The following CAPN2 variants were observed in gnomAD, a reference collection of about 807,000 sequenced individuals.
CAPN2 encodes calpain-2 catalytic subunit.
CAPN2 carries 92 observed loss-of-function variants against 102.3 expected under a neutral mutation model. The ratio of observed to expected loss-of-function variants is 0.90; its 90% confidence interval spans 0.76 to 1.07. The LOEUF is 1.07. CAPN2 is among the 50% of genes least tolerant of loss of function. The probability of loss-of-function intolerance (pLI) is 0.00; values close to 1 mark genes in which losing one functional copy is unlikely to be tolerated. For synonymous variants in CAPN2, 340 were observed against 355.4 expected, an observed-to-expected ratio of 0.96 and a Z score of 0.49; for missense variants, 800 against 909.4, an observed-to-expected ratio of 0.88 and a Z score of 1.55.
chr1:223,727,198 G>T lies in CAPN2; in HGVS notation c.307+9367G>T, dbSNP rs144282666. On this transcript the variant is annotated intron_variant, in intron 2 of 20. Transcript: ENST00000295006. This position sits in a 1 kb window ranked among gnomAD's most constrained non-coding sequence, Gnocchi z 4.1. ...TCTTCAGTAGCTTGGTCTGTTTATCGTGTATCTAGCTGTCAGCATGCAAAA... is the reference window on the plus strand; with the variant it reads ...TCTTCAGTAGCTTGGTCTGTTTATCTTGTATCTAGCTGTCAGCATGCAAAA... Among the ~76,000 whole-genome samples the T allele has an allele frequency of 6.6e-6, 1 of 152,208 alleles. No individual in the cohort carries two copies. The highest frequency in any genetic ancestry group is 6.5e-5 in the Admixed American group (1 of 15,286).
chr1:223,749,295 G>C (rs1290602618), intron 6 of CAPN2, 173 bp downstream of exon 6: 1 of 613,492 alleles, frequency 1.6e-6, no homozygotes, highest in Non-Finnish European at 2.9e-6. Context: ...TTCGCAGCTC[G>C]GGCGCCGGGT....
rs533034011 is a variant in CAPN2, at chr1:223,717,957, C to T, written c.307+126C>T. On this transcript the variant is annotated intron_variant, in intron 2 of 20. Transcript: ENST00000295006. ...TTGGCAATTTCTATTTGCAGAGAAG[C>T]TCCATGGAATTTCTTGGCCCTAGCG... 5 of 729,376 alleles carry T rather than the reference C, an allele frequency of 6.9e-6. No homozygotes were observed. In the South Asian group the frequency reaches 8.1e-5, roughly 12 times the overall value. 45.2% of individuals were successfully genotyped at this position (729,376 alleles called of 1,614,324 possible).
intron 2 of CAPN2, among the ~76,000 whole-genome samples, chr1:223,729,905 G>T (rs1660291011): frequency 6.6e-6 from 1 of 151,102 alleles, no homozygotes; most frequent in Admixed American, 6.6e-5. Context: ...CAGAGGCTGA[G>T]GCAGGAGAAT....
At chr1:223,764,303 G>T in intron 15 of CAPN2, 96 bp downstream of exon 15, 1 of 1,034,798 alleles carries the variant, frequency 9.7e-7, no homozygotes, top group South Asian at 1.3e-5. Context: ...TGGCTGCTGT[G>T]ACTAAACCAC....
chr1:223,752,991 C>T (rs774182137), intron 9 of CAPN2, 35 bp downstream of exon 9: 21 of 1,605,292 alleles, frequency 1.3e-5, no homozygotes, highest in Admixed American at 1.7e-5. Flanking sequence ...TGTTGCAATG[C>T]GGGGCCACCA....
chr1:223,751,030 C>A, intron 7 of CAPN2, 55 bp downstream of exon 7: 1 of 1,380,332 alleles, frequency 7.2e-7, no homozygotes, highest in Non-Finnish European at 1.0e-6. Flanking sequence ...TGCTGGGAGG[C>A]TCTGGGAAGA....
intron 2 of CAPN2, among the ~76,000 whole-genome samples, chr1:223,740,420 C>T (rs1571798264): frequency 6.6e-6 from 1 of 152,338 alleles, no homozygotes; most frequent in Non-Finnish European, 1.5e-5. Flanking sequence ...GTCCACCCTA[C>T]TGCTGTGTCC....
At chr1:223,705,198 G>A (rs971807878) in intron 1 of CAPN2, among the ~76,000 whole-genome samples, 5 of 152,294 alleles carry the variant, frequency 3.3e-5, no homozygotes, top group East Asian at 1.9e-4. Flanking sequence ...GAAATGGAAC[G>A]GGGCAAAGTA....
In CAPN2 at chr1:223,755,711, A is replaced by G. The variant is rs1661018531; in HGVS notation, c.1305+62A>G. 4.8e-6 allele frequency: 7 copies of G among 1,448,974 alleles called. No homozygotes were observed. Among genetic ancestry groups the G allele is most frequent in the Middle Eastern group, 2.6e-4 (1 of 3,852 alleles). 89.8% of individuals were successfully genotyped at this position (1,448,974 alleles called of 1,614,324 possible). On this transcript the variant is annotated intron_variant, in intron 10 of 20. Transcript: ENST00000295006. This position sits in a 1 kb window ranked among gnomAD's most constrained non-coding sequence, Gnocchi z 4.1. ...TGTGTTCATCTCAGCCCCTGCATGG[A>G]AAGCTGACCCCAGAGGCAGAACTGG...
intron 2 of CAPN2, among the ~76,000 whole-genome samples, chr1:223,722,888 C>T (rs773578920): frequency 1.3e-5 from 2 of 152,194 alleles, no homozygotes; most frequent in Non-Finnish European, 2.9e-5. Context: ...CAGGACCCCA[C>T]GTTTCATTTA....
rs542798367 is a variant in CAPN2, at chr1:223,731,472, G to A, written c.308-12628G>A. Among the ~76,000 whole-genome samples, 64 of 151,714 alleles carry A rather than the reference G, an allele frequency of 4.2e-4. No homozygotes were observed. The highest frequency in any genetic ancestry group is 5.9e-4 in the Non-Finnish European group (40 of 67,914). On this transcript the variant is annotated intron_variant, in intron 2 of 20. Transcript: ENST00000295006. The surrounding 1 kb of genome is among the most constrained non-coding windows in gnomAD (Gnocchi z 4.2). ...CAGCTCCCCGCTCTAAGCCTTCCTC[G>A]CCCACCCCAGCCCTCCTACAGTCCC...
chr1:223,749,290 A>G (rs1223264416), intron 6 of CAPN2, 168 bp downstream of exon 6: 1 of 619,068 alleles, frequency 1.6e-6, no homozygotes. Context: ...TCCCTTTCGC[A>G]GCTCGGGCGC....
intron 2 of CAPN2, among the ~76,000 whole-genome samples, chr1:223,735,803 G>A (rs537723154): frequency 2.3e-4 from 34 of 149,734 alleles, no homozygotes; most frequent in Admixed American, 1.7e-3. Flanking sequence ...TTTTTGAGAC[G>A]GAGTCTCGAT....
At chr1:223,719,218 CTT>C (rs1350971077) in intron 2 of CAPN2, among the ~76,000 whole-genome samples, 1 of 152,152 alleles carries the variant, frequency 6.6e-6, no homozygotes, top group Non-Finnish European at 1.5e-5. Flanking sequence ...TTGATGGAAA[CTT>C]TGACCAACCC....
intron 20 of CAPN2, 29 bp from the exon 21 acceptor site, chr1:223,774,805 A>G: frequency 6.2e-7 from 1 of 1,608,728 alleles, no homozygotes; most frequent in East Asian, 2.2e-5. Flanking sequence ...GTGGTCACTG[A>G]GCTGACTTTT....
In CAPN2 at chr1:223,766,724, A is replaced by T. The variant is rs924022371; in HGVS notation, c.1755+293A>T. Among the ~76,000 whole-genome samples the T allele has an allele frequency of 2.0e-5, 3 of 152,198 alleles. No individual in the cohort carries two copies. In the East Asian group the frequency reaches 5.8e-4, roughly 29 times the overall value. On this transcript the variant is annotated intron_variant, in intron 16 of 20. Coordinates refer to ENST00000295006, the MANE Select transcript of CAPN2 (RefSeq NM_001748.5). ...GTAATCCCAGCACTTTGGAAGGCCA[A>T]GGTGGGCCTCCTGACTCACGAGGTC...
Position 223,749,141 on chromosome 1 carries a change from G to A in CAPN2, c.813+19G>A. The stretch of plus-strand genomic sequence containing the variant: ...CGAGGAGGTAACGGCCGGCGCGGAT[G>A]TGCAGGGGTCCTGCTGTCCTGACAC... On this transcript the variant is annotated intron_variant, in intron 6 of 20. Transcript: ENST00000295006. The A allele has an allele frequency of 1.2e-6, 2 of 1,607,286 alleles. No individual in the cohort carries two copies. The highest frequency in any genetic ancestry group is 1.7e-6 in the Non-Finnish European group (2 of 1,173,838).
At chr1:223,735,707 G>C (rs897048177) in intron 2 of CAPN2, among the ~76,000 whole-genome samples, 15 of 152,034 alleles carry the variant, frequency 9.9e-5, no homozygotes, top group African/African-American at 2.4e-4. Flanking sequence ...CATTTGGCCT[G>C]TGCCCAGCAG....
chr1:223,759,078 C>T lies in CAPN2; in HGVS notation c.1318-192C>T, dbSNP rs992224364. On this transcript the variant is annotated intron_variant, in intron 11 of 20. Coordinates refer to ENST00000295006, the MANE Select transcript of CAPN2 (RefSeq NM_001748.5). This position sits in a 1 kb window ranked among gnomAD's most constrained non-coding sequence, Gnocchi z 4.6. ...AATTTTGTTGTTTTGTTGTTGTTGT[C>T]GTCGTTATATAGATGAGGGCTTCCT... 20 of 607,942 alleles carry T rather than the reference C, an allele frequency of 3.3e-5. No individual in the cohort carries two copies. Among genetic ancestry groups the T allele is most frequent in the African/African-American group, 1.1e-4 (6 of 53,826 alleles). 37.7% of individuals were successfully genotyped at this position (607,942 alleles called of 1,614,324 possible).
Sources: allele counts gnomAD v4.1 joint callset (sites outside exome capture counted in the v4.1 genomes callset), GRCh38; gene constraint gnomAD v4.1.1; non-coding constraint Gnocchi (gnomAD v3.1); transcripts MANE v1.5; gene names NCBI Gene and HGNC (gene_info 2026-07-23, HGNC 2026-07-21).